The following SNAP23 variants were observed in gnomAD, a reference collection of about 807,000 sequenced individuals.
The protein encoded by SNAP23 is synaptosome associated protein 23.
Under a neutral mutation model 29.0 loss-of-function variants are expected in SNAP23, and 11 were observed. The ratio of observed to expected loss-of-function variants is 0.38; its 90% CI spans 0.24 to 0.63. SNAP23 has a LOEUF of 0.63. SNAP23 is among the 20% of genes least tolerant of loss of function. The pLI, the probability that SNAP23 is intolerant of heterozygous loss-of-function variation, is 0.58. For missense variants in SNAP23, 220 were observed against 253.9 expected, an observed-to-expected ratio of 0.87 and a Z score of 0.91; for synonymous variants, 60 against 82.9, an observed-to-expected ratio of 0.72 and a Z score of 1.50.
At chr15:42,518,194 C>G (rs2057413466) in intron 5 of SNAP23, among the ~76,000 whole-genome samples, 1 of 152,178 alleles carries the variant, frequency 6.6e-6, no homozygotes, top group Non-Finnish European at 1.5e-5. Context: ...TATGATATCT[C>G]TTATCCTCAG....
intron 1 of SNAP23, among the ~76,000 whole-genome samples, chr15:42,499,754 TTGAAC>T (rs1286184232): frequency 6.6e-6 from 1 of 152,220 alleles, no homozygotes; most frequent in Non-Finnish European, 1.5e-5. Context: ...AAAATGAAGA[TTGAAC>T]TAAAGCTTAT....
intron 4 of SNAP23, among the ~76,000 whole-genome samples, chr15:42,514,056 C>T (rs1323021649): frequency 6.6e-6 from 1 of 151,726 alleles, no homozygotes; most frequent in Non-Finnish European, 1.5e-5. Flanking sequence ...CTCAGGTGAT[C>T]CACCCGCCTT....
intron 1 of SNAP23, among the ~76,000 whole-genome samples, chr15:42,500,466 G>A (rs976367342): frequency 1.4e-5 from 2 of 147,612 alleles, no homozygotes; most frequent in African/African-American, 5.0e-5. Context: ...TCGGCTCACC[G>A]CAACCTCTGC....
chr15:42,523,351 T>C (rs1347999112), intron 5 of SNAP23, among the ~76,000 whole-genome samples: 2 of 152,234 alleles, frequency 1.3e-5, no homozygotes, highest in East Asian at 3.8e-4. Flanking sequence ...ACATTTTATT[T>C]TCAAGAGTCC....
upstream of SNAP23, among the ~76,000 whole-genome samples, chr15:42,494,101 G>A (rs1429115515): frequency 1.3e-5 from 2 of 151,668 alleles, no homozygotes; most frequent in Non-Finnish European, 2.9e-5. Context: ...AGTTTCTCCT[G>A]TCTTAATTCT....
intron 1 of SNAP23, among the ~76,000 whole-genome samples, chr15:42,505,895 C>T (rs2057313150): frequency 6.6e-6 from 1 of 150,410 alleles, no homozygotes; most frequent in African/African-American, 2.4e-5. Context: ...CTTCCTCCCT[C>T]CCTCCCTTCC....
At chr15:42,523,169 T>G (rs1485755103) in intron 5 of SNAP23, among the ~76,000 whole-genome samples, 8 of 150,384 alleles carry the variant, frequency 5.3e-5, no homozygotes, top group African/African-American at 7.5e-5. Flanking sequence ...AATGAGACGT[T>G]TAAGTGGGAA....
chr15:42,515,447 T>C (rs2057390509), intron 5 of SNAP23, 93 bp downstream of exon 5: 1 of 718,922 alleles, frequency 1.4e-6, no homozygotes, highest in Admixed American at 2.5e-5. Flanking sequence ...CTGGGCTTAA[T>C]GAGGAACTCT....
intron 5 of SNAP23, among the ~76,000 whole-genome samples, chr15:42,520,865 G>C (rs918409373): frequency 6.6e-6 from 1 of 152,224 alleles, no homozygotes; most frequent in Non-Finnish European, 1.5e-5. Context: ...ATGGCACATA[G>C]TTTGAAGACA....
chr15:42,518,321 T>C (rs1244585346), intron 5 of SNAP23, among the ~76,000 whole-genome samples: 2 of 152,178 alleles, frequency 1.3e-5, no homozygotes, highest in African/African-American at 4.8e-5. Flanking sequence ...AGACATGAGA[T>C]CTTAGTCCTA....
At chr15:42,528,174 T>A (rs1157147317) in intron 5 of SNAP23, 88 bp from the exon 6 acceptor site, 30 of 1,097,432 alleles carry the variant, frequency 2.7e-5, no homozygotes, top group Non-Finnish European at 5.5e-6. Flanking sequence ...GAGTTATTAG[T>A]GTCATCCTCA....
In SNAP23 at chr15:42,528,391, G is replaced by A. The variant is rs1060291; in HGVS notation, c.396G>A (p.Thr132=). Residue 132 remains threonine, a synonymous_variant, in exon 6 of 8, where the codon ACG becomes ACA. Coordinates refer to ENST00000249647, the MANE Select transcript of SNAP23 (RefSeq NM_003825.4). ...ATGGTCAGCTTCAGCAACCAACAACGGGAGCAGCCAGTGGTGGATACATTA... is the reference window on the plus strand; with the variant it reads ...ATGGTCAGCTTCAGCAACCAACAACAGGAGCAGCCAGTGGTGGATACATTA... ...VTNGQLQQPT[T]GAASGGYIKR... 0.25 allele frequency: 396,953 copies of A among 1,613,724 alleles called. 55,774 individuals are homozygous for A. Among genetic ancestry groups the A allele is most frequent in the African/African-American group, 0.6 (45,065 of 74,918 alleles).
intron 1 of SNAP23, chr15:42,505,731 T>C (rs891085064): frequency 6.6e-6 from 1 of 151,730 alleles, no homozygotes; most frequent in Non-Finnish European, 1.5e-5. Flanking sequence ...AATTTTTGTA[T>C]TTTTAGTAGA....
intron 7 of SNAP23, among the ~76,000 whole-genome samples, 176 bp downstream of exon 7, chr15:42,529,995 A>G (rs1195225246): frequency 6.6e-6 from 1 of 152,204 alleles, no homozygotes; most frequent in Admixed American, 6.5e-5. Context: ...CCTCCCTGTC[A>G]TGGTAGTTGG....
rs185030417 is a variant in SNAP23, at chr15:42,531,087, A to G, written c.571-326A>G. Reference sequence around the variant, plus strand: ...GTCCAGATCTTTAACAGAGAAGAGCACTCTTTCATATTTCATTGCATCAAA... The same window carrying G: ...GTCCAGATCTTTAACAGAGAAGAGCGCTCTTTCATATTTCATTGCATCAAA... On this transcript the variant is annotated intron_variant, in intron 7 of 7. Transcript: ENST00000249647. 2.6e-5 allele frequency among the ~76,000 whole-genome samples: 4 copies of G among 152,236 alleles called. No individual in the cohort carries two copies. The East Asian group carries it at 7.7e-4, about 29-fold the overall frequency.
chr15:42,523,773 A>G (rs2057470238), intron 5 of SNAP23, among the ~76,000 whole-genome samples: 1 of 151,772 alleles, frequency 6.6e-6, no homozygotes, highest in Admixed American at 6.6e-5. Context: ...TAGTTATTTT[A>G]CTCCAAATGC....
chr15:42,531,370 G>T lies in SNAP23; in HGVS notation c.571-43G>T, dbSNP rs372369743. The T allele has an allele frequency of 1.2e-5, 16 of 1,346,078 alleles. No individual in the cohort carries two copies. The African/African-American group carries it at 2.3e-4, about 19-fold the overall frequency. The allele number at this position is 1,346,078 out of a possible 1,614,324, so 83.4% of individuals were successfully genotyped here. On this transcript the variant is annotated intron_variant, in intron 7 of 7. Coordinates refer to ENST00000249647, the MANE Select transcript of SNAP23 (RefSeq NM_003825.4). ...AGTGTAAAAAGTTTAATTTTTATTA[G>T]AGTTACTTACCTTGTAAAGCTGATA...
chr15:42,513,795 C>T (rs551889447), intron 4 of SNAP23, among the ~76,000 whole-genome samples: 6 of 150,122 alleles, frequency 4.0e-5, no homozygotes, highest in Admixed American at 6.6e-5. Flanking sequence ...GGGTGGGGGA[C>T]GGAGTTTCGC....
intron 7 of SNAP23, among the ~76,000 whole-genome samples, chr15:42,530,411 GATATAA>G (rs199964178): frequency 0.012 from 1,810 of 152,216 alleles, 11 homozygotes; most frequent in Non-Finnish European, 0.018. Context: ...AACTTTACAT[GATATAA>G]ATATAGTGAA....
Sources: allele counts gnomAD v4.1 joint callset (sites outside exome capture counted in the v4.1 genomes callset), GRCh38; gene constraint gnomAD v4.1.1; transcripts MANE v1.5; gene names NCBI Gene and HGNC (gene_info 2026-07-23, HGNC 2026-07-21).